The following SH3KBP1 variants were observed in gnomAD, a reference collection of about 807,000 sequenced individuals.
The protein encoded by SH3KBP1 is SH3 domain-containing kinase-binding protein 1.
A neutral mutation model predicts 50.1 loss-of-function variants in SH3KBP1; 8 were observed. The observed-to-expected ratio is 0.16, with a 90% CI of 0.09 to 0.29. SH3KBP1 has a LOEUF of 0.29. Ranked by LOEUF, SH3KBP1 falls within the 10% of genes least tolerant of loss-of-function variation. The pLI is 1.00. For missense variants in SH3KBP1, 377 were observed against 535.2 expected (o/e 0.70, Z 2.92); for synonymous variants, 227 against 218.6 (o/e 1.04, Z -0.34).
At chrX:19,722,615 T>TCC (rs1449437146) in intron 3 of SH3KBP1, among the ~76,000 whole-genome samples, 7 of 92,784 alleles carry the variant, frequency 7.5e-5, no homozygotes, top group Non-Finnish European at 1.3e-4. Flanking sequence ...TGTGTGTGTG[T>TCC]CCGTCCCCAG....
chrX:19,805,291 T>G (rs747104853), intron 2 of SH3KBP1, among the ~76,000 whole-genome samples: 13 of 111,165 alleles, frequency 1.2e-4, no homozygotes, highest in African/African-American at 3.3e-4. Context: ...CAGCTCTAGA[T>G]AGTCAAAGCA....
intron 6 of SH3KBP1, among the ~76,000 whole-genome samples, chrX:19,678,214 G>A (rs1198947245): frequency 3.6e-5 from 4 of 111,721 alleles, no homozygotes; most frequent in Admixed American, 9.6e-5. Flanking sequence ...TAAGTGTTCA[G>A]CTTGAGAACA....
At chrX:19,720,384 G>A (rs2064023040) in intron 3 of SH3KBP1, among the ~76,000 whole-genome samples, 1 of 111,158 alleles carries the variant, frequency 9.0e-6, no homozygotes, top group Admixed American at 9.5e-5. Context: ...TGGATTTTCA[G>A]AGGAGAAAAT....
intron 1 of SH3KBP1, among the ~76,000 whole-genome samples, chrX:19,881,168 G>C (rs2069421822): frequency 8.9e-6 from 1 of 112,087 alleles, no homozygotes; most frequent in African/African-American, 3.2e-5. Flanking sequence ...AGACCTGAAT[G>C]AGCTTAGAAT....
At chrX:19,835,457 A>G (rs781725729) in intron 2 of SH3KBP1, among the ~76,000 whole-genome samples, 21 of 111,759 alleles carry the variant, frequency 1.9e-4, no homozygotes, top group Non-Finnish European at 3.6e-4. Flanking sequence ...CATTTAATTT[A>G]ATTGTTATTT....
chrX:19,554,372 A>C (rs988631303), intron 13 of SH3KBP1, among the ~76,000 whole-genome samples: 1 of 92,019 alleles, frequency 1.1e-5, no homozygotes, highest in Non-Finnish European at 2.0e-5. Flanking sequence ...TCATATTAAA[A>C]TATAATATAT....
chrX:19,764,802 T>C (rs1211355512), intron 2 of SH3KBP1, among the ~76,000 whole-genome samples: 1 of 106,614 alleles, frequency 9.4e-6, no homozygotes, highest in Non-Finnish European at 1.9e-5. Flanking sequence ...GGAGTGGACA[T>C]GCGCTCCAAC....
chrX:19,599,992 G>A (rs772101214), intron 9 of SH3KBP1, among the ~76,000 whole-genome samples: 24 of 107,987 alleles, frequency 2.2e-4, no homozygotes, highest in South Asian at 4.1e-4. Context: ...AAAATTAGCC[G>A]GGCGCGGTGG....
intron 1 of SH3KBP1, among the ~76,000 whole-genome samples, chrX:19,880,921 A>C (rs1173024247): frequency 8.9e-6 from 1 of 111,916 alleles, no homozygotes; most frequent in Non-Finnish European, 1.9e-5. Flanking sequence ...AAGGCAGGGA[A>C]ATGAATTCCT....
intron 11 of SH3KBP1, among the ~76,000 whole-genome samples, chrX:19,590,164 T>C (rs1054477795): frequency 1.8e-5 from 2 of 111,271 alleles, no homozygotes; most frequent in Admixed American, 1.9e-4. Context: ...ATCCCCACAA[T>C]GTGGGGAAAT....
intron 3 of SH3KBP1, among the ~76,000 whole-genome samples, chrX:19,707,977 G>A (rs762967416): frequency 4.4e-5 from 5 of 112,940 alleles, no homozygotes; most frequent in Non-Finnish European, 7.5e-5. Context: ...ATTCCTTCAT[G>A]CCACTGCATG....
At chrX:19,811,998 C>T (rs1186978806) in intron 2 of SH3KBP1, among the ~76,000 whole-genome samples, 1 of 111,920 alleles carries the variant, frequency 8.9e-6, no homozygotes, top group African/African-American at 3.3e-5. Context: ...GTTCCTCCCG[C>T]TCTGGGTCTC....
intron 2 of SH3KBP1, among the ~76,000 whole-genome samples, chrX:19,777,541 T>C (rs757989545): frequency 1.8e-5 from 2 of 110,968 alleles, no homozygotes; most frequent in East Asian, 2.8e-4. Flanking sequence ...TTGAAGGAAT[T>C]TGAATGAGCC....
At chrX:19,756,059 C>G (rs979490544) in intron 2 of SH3KBP1, among the ~76,000 whole-genome samples, 13 of 110,683 alleles carry the variant, frequency 1.2e-4, no homozygotes, top group African/African-American at 1.6e-4. Flanking sequence ...CCTTCTTTAA[C>G]TCGGTGTCTG....
In SH3KBP1 at chrX:19,808,853, A is replaced by C. The variant is rs746062112; in HGVS notation, c.162+27272T>G. Among the ~76,000 whole-genome samples, 6 of 111,891 alleles carry C rather than the reference A, an allele frequency of 5.4e-5. No individual in the cohort carries two copies. The South Asian group carries it at 2.3e-3, about 42-fold the overall frequency. ...CAATCTGTCCAGATTTTTTCTTGGAAGCGTGGGAGGGACATCTTTGCAGCT... is the reference window on the plus strand; with the variant it reads ...CAATCTGTCCAGATTTTTTCTTGGACGCGTGGGAGGGACATCTTTGCAGCT... On this transcript the variant is annotated intron_variant, in intron 2 of 17. Transcript: ENST00000397821.
intron 12 of SH3KBP1, among the ~76,000 whole-genome samples, chrX:19,584,649 G>A (rs181269159): frequency 1.8e-4 from 20 of 110,989 alleles, no homozygotes; most frequent in African/African-American, 6.6e-4. Flanking sequence ...TACGTTTTTT[G>A]TTAAGTGAAT....
At chrX:19,831,051 T>C (rs577027007) in intron 2 of SH3KBP1, among the ~76,000 whole-genome samples, 1 of 111,624 alleles carries the variant, frequency 9.0e-6, no homozygotes, top group Non-Finnish European at 1.9e-5. Context: ...GAGATGAAGG[T>C]GGATACGAAT....
intron 1 of SH3KBP1, among the ~76,000 whole-genome samples, chrX:19,884,094 G>A (rs1887597848): frequency 8.9e-6 from 1 of 111,995 alleles, no homozygotes; most frequent in African/African-American, 3.2e-5. Context: ...TACTCAACCA[G>A]ATTTCTGCTC....
At chrX:19,615,124 T>A (rs2067568195) in intron 8 of SH3KBP1, among the ~76,000 whole-genome samples, 2 of 112,464 alleles carry the variant, frequency 1.8e-5, no homozygotes, top group Non-Finnish European at 3.8e-5. Context: ...TATTCAAAAT[T>A]GTGGCAAAAA....
Sources: gnomAD v4.1 joint callset for allele counts (sites outside exome capture counted in the v4.1 genomes callset) on GRCh38, gnomAD v4.1.1 for gene constraint, MANE v1.5 for transcripts, NCBI Gene and HGNC (gene_info 2026-07-23, HGNC 2026-07-21) for gene names.